POU2F3: variants seen among roughly 807,000 people sequenced by gnomAD.
The protein encoded by POU2F3 is POU domain, class 2, transcription factor 3.
In POU2F3, 23 loss-of-function variants were observed where a neutral mutation model predicts 59.2. That is an observed-to-expected ratio of 0.39 (90% CI 0.28 to 0.55). POU2F3 has a LOEUF of 0.55. POU2F3 is among the 20% of genes least tolerant of loss of function. POU2F3 has a pLI of 0.66. For missense variants in POU2F3, 473 were observed against 544.5 expected, an observed-to-expected ratio of 0.87 and a Z score of 1.31; for synonymous variants, 190 against 214.6, an observed-to-expected ratio of 0.89 and a Z score of 1.00.
chr11:120,307,860 T>A (rs1941542359), intron 9 of POU2F3, among the ~76,000 whole-genome samples: 1 of 152,202 alleles, frequency 6.6e-6, no homozygotes, highest in African/African-American at 2.4e-5. Context: ...TTTAGGGCCC[T>A]TTGTTTTTCT....
rs925035753 is a variant in POU2F3 at position 120,246,386 on chromosome 11, C to T, written c.29-63C>T. ...TTCATCTTTGTTATTTAGTTAAAGC[C>T]ACATATGTCATAGCAAGAAAAATTG... On this transcript the variant is annotated intron_variant, in intron 1 of 12. Coordinates refer to ENST00000543440, the MANE Select transcript of POU2F3 (RefSeq NM_014352.4). 3.9e-6 allele frequency: 6 copies of T among 1,523,662 alleles called. No individual in the cohort carries two copies. In the African/African-American group the frequency reaches 8.2e-5, roughly 21 times the overall value. 94.4% of individuals were successfully genotyped at this position (1,523,662 alleles called of 1,614,324 possible). A position where few individuals can be genotyped will look rare whatever the true frequency, so the allele number is the denominator to read the frequency against.
At chr11:120,280,677 T>C (rs1175947840) in intron 3 of POU2F3, among the ~76,000 whole-genome samples, 3 of 151,966 alleles carry the variant, frequency 2.0e-5, no homozygotes, top group Non-Finnish European at 2.9e-5. Context: ...CTCCTGCAAA[T>C]GAGACATGAC....
intron 3 of POU2F3, among the ~76,000 whole-genome samples, chr11:120,293,198 A>G (rs554368831): frequency 2.0e-3 from 310 of 152,216 alleles, no homozygotes; most frequent in African/African-American, 7.2e-3. Context: ...GCTGCTATAT[A>G]GTAGGTTTGA....
At chr11:120,262,319 T>G (rs2135173976) in intron 2 of POU2F3, among the ~76,000 whole-genome samples, 1 of 152,386 alleles carries the variant, frequency 6.6e-6, no homozygotes, top group South Asian at 2.1e-4. Flanking sequence ...ATTTTATTTA[T>G]ACATTTATTT....
chr11:120,247,517 G>A (rs1368902688), intron 2 of POU2F3, among the ~76,000 whole-genome samples: 1 of 152,168 alleles, frequency 6.6e-6, no homozygotes, highest in Non-Finnish European at 1.5e-5. Flanking sequence ...TGCACAGGTA[G>A]CAATACACAT....
intron 2 of POU2F3, among the ~76,000 whole-genome samples, chr11:120,266,789 T>C (rs1485488932): frequency 6.6e-6 from 1 of 152,212 alleles, no homozygotes; most frequent in Admixed American, 6.5e-5. Context: ...TATCTGTAAA[T>C]GAAAGCACAG....
upstream of POU2F3, chr11:120,236,641 T>C (rs757901395): frequency 5.4e-6 from 8 of 1,468,928 alleles, no homozygotes; most frequent in Non-Finnish European, 7.4e-6. Context: ...CCTCTCTATC[T>C]CACTCCAGCC....
At chr11:120,278,513 C>G (rs541480097) in intron 3 of POU2F3, among the ~76,000 whole-genome samples, 2 of 152,232 alleles carry the variant, frequency 1.3e-5, no homozygotes, top group Admixed American at 1.3e-4. Flanking sequence ...AATACAACAC[C>G]AGGAAAAGGC....
chr11:120,283,301 C>T (rs982962262), intron 3 of POU2F3, among the ~76,000 whole-genome samples: 3 of 152,134 alleles, frequency 2.0e-5, no homozygotes, highest in Non-Finnish European at 2.9e-5. Context: ...GTAGAGGCTG[C>T]ACTTGCCCAC....
At position 120,318,381 on chromosome 11, in the gene POU2F3, T is replaced by C. The variant is rs1315881325; in HGVS notation, c.1300T>C (p.Tyr434His). ...TTGGTACCGATGGAATCATTCCACC[T>C]ACCTCCACTGAGACCAAAAAGTTTC... is the stretch of plus-strand genomic sequence containing the variant. The part of the protein sequence containing the change: ...GSWYRWNHST[Y>H]LH Residue 434 changes from tyrosine (Y) to histidine (H), a missense_variant, in exon 13 of 13, where the codon TAC becomes CAC. Physicochemically the swap from Tyr to His is moderately conservative, Grantham distance 83. Coordinates refer to ENST00000543440, the MANE Select transcript of POU2F3 (RefSeq NM_014352.4). 6.2e-7 allele frequency: 1 copy of C among 1,605,530 alleles called. No individual in the cohort carries two copies. Among genetic ancestry groups the C allele is most frequent in the Non-Finnish European group, 8.5e-7 (1 of 1,172,144 alleles).
chr11:120,274,972 A>G (rs1940261055), intron 3 of POU2F3, among the ~76,000 whole-genome samples: 1 of 152,182 alleles, frequency 6.6e-6, no homozygotes, highest in Non-Finnish European at 1.5e-5. Flanking sequence ...TCTGAAGCCT[A>G]AAAGTTGGCT....
intron 3 of POU2F3, among the ~76,000 whole-genome samples, chr11:120,287,691 G>GCCTAGAGC (rs62845360): frequency 0.22 from 33,622 of 151,840 alleles, 4,291 homozygotes; most frequent in Admixed American, 0.42. Context: ...CAACCCTTGT[G>GCCTAGAGC]CCTAGAGCCC....
At chr11:120,313,733 G>T (rs1299013414) in intron 10 of POU2F3, among the ~76,000 whole-genome samples, 2 of 152,206 alleles carry the variant, frequency 1.3e-5, no homozygotes, top group Non-Finnish European at 2.9e-5. Flanking sequence ...CAACAACAAA[G>T]CCAGGCATGG....
intron 2 of POU2F3, among the ~76,000 whole-genome samples, chr11:120,251,266 G>T (rs1939084449): frequency 6.6e-6 from 1 of 152,234 alleles, no homozygotes; most frequent in African/African-American, 2.4e-5. Context: ...GAGCCACCAT[G>T]CCCGGCTGAC....
intron 2 of POU2F3, among the ~76,000 whole-genome samples, chr11:120,250,837 C>T (rs1265779893): frequency 1.3e-5 from 2 of 152,088 alleles, no homozygotes; most frequent in African/African-American, 2.4e-5. Context: ...ATTAGCCGGG[C>T]GTGGTAGTGG....
intron 2 of POU2F3, among the ~76,000 whole-genome samples, chr11:120,267,458 C>G (rs1939874287): frequency 6.6e-6 from 1 of 152,134 alleles, no homozygotes; most frequent in Admixed American, 6.6e-5. Flanking sequence ...CAAAACCAGG[C>G]TTTGCTCAGA....
At chr11:120,278,009 A>G (rs1308170044) in intron 3 of POU2F3, among the ~76,000 whole-genome samples, 1 of 152,208 alleles carries the variant, frequency 6.6e-6, no homozygotes, top group African/African-American at 2.4e-5. Flanking sequence ...AAAAGCCACA[A>G]TCTTTCAAAG....
chr11:120,293,150 G>A (rs1361353814), intron 3 of POU2F3, among the ~76,000 whole-genome samples: 8 of 152,118 alleles, frequency 5.3e-5, no homozygotes, highest in African/African-American at 1.9e-4. Flanking sequence ...TGCTCTCAGG[G>A]TGATAATCCT....
At chr11:120,316,143 G>C (rs1312079290) in intron 11 of POU2F3, among the ~76,000 whole-genome samples, 5 of 152,050 alleles carry the variant, frequency 3.3e-5, no homozygotes, top group Non-Finnish European at 7.4e-5. Flanking sequence ...CAAAGTGCTG[G>C]GATTACAGGC....
Sources: gnomAD v4.1 joint callset for allele counts (sites outside exome capture counted in the v4.1 genomes callset) on GRCh38, gnomAD v4.1.1 for gene constraint, MANE v1.5 for transcripts, NCBI Gene and HGNC (gene_info 2026-07-23, HGNC 2026-07-21) for gene names.